FSTL4: variants seen among roughly 807,000 people sequenced by gnomAD.
The protein encoded by FSTL4 is follistatin-related protein 4.
Under a neutral mutation model 78.2 loss-of-function variants are expected in FSTL4, and 28 were observed. The ratio of observed to expected loss-of-function variants is 0.36; its 90% CI spans 0.27 to 0.49. The LOEUF (loss-of-function observed/expected upper bound fraction) is 0.49, where lower values mean the gene tolerates loss of function less well. FSTL4 is among the 20% of genes least tolerant of loss of function. FSTL4 has a pLI of 0.98. For synonymous variants in FSTL4, 422 were observed against 440.5 expected, an observed-to-expected ratio of 0.96 and a Z score of 0.53; for missense variants, 922 against 1,084.9, an observed-to-expected ratio of 0.85 and a Z score of 2.11.
intron 3 of FSTL4, among the ~76,000 whole-genome samples, chr5:133,552,305 GTCATATTTATTCTACAGAAC>G (rs1274005373): frequency 6.6e-6 from 1 of 152,156 alleles, no homozygotes; most frequent in African/African-American, 2.4e-5. Flanking sequence ...TTTCTACTTG[GTCATATTTATTCTACAGAAC>G]TGTATCTAAC....
intron 3 of FSTL4, among the ~76,000 whole-genome samples, chr5:133,561,090 A>AAATAATAATAATAATAATAAT (rs369652665): frequency 7.6e-6 from 1 of 131,242 alleles, no homozygotes; most frequent in Admixed American, 7.8e-5. Flanking sequence ...CTCGGACTCA[A>AAATAATAATAATAATAATAAT]AATAATAATA....
At chr5:133,353,801 T>C (rs1181432167) in intron 4 of FSTL4, among the ~76,000 whole-genome samples, 1 of 152,208 alleles carries the variant, frequency 6.6e-6, no homozygotes, top group Non-Finnish European at 1.5e-5. Flanking sequence ...GGGGCTTTGT[T>C]CACCACGGGC....
At chr5:133,379,835 G>C (rs1755522924) in intron 4 of FSTL4, among the ~76,000 whole-genome samples, 1 of 152,134 alleles carries the variant, frequency 6.6e-6, no homozygotes. Context: ...TCAGCATTTT[G>C]GGAGGCTGAG....
intron 3 of FSTL4, among the ~76,000 whole-genome samples, chr5:133,496,953 C>G (rs904558768): frequency 3.3e-5 from 5 of 152,270 alleles, no homozygotes; most frequent in Admixed American, 2.0e-4. Context: ...TTAGCCAGCC[C>G]TACCCCAATC....
chr5:133,662,365 G>T, the FSTL4 span, among the ~76,000 whole-genome samples: 1 of 152,112 alleles, frequency 6.6e-6, no homozygotes, highest in African/African-American at 2.4e-5. Context: ...AATTACAGTG[G>T]ATATTTTCAC....
At chr5:133,473,115 C>T (rs1410385554) in intron 3 of FSTL4, among the ~76,000 whole-genome samples, 1 of 152,164 alleles carries the variant, frequency 6.6e-6, no homozygotes, top group African/African-American at 2.4e-5. Context: ...CCAGTAGGGG[C>T]AGCTGTTGAT....
chr5:133,628,686 T>G, the FSTL4 span, among the ~76,000 whole-genome samples: 2 of 151,790 alleles, frequency 1.3e-5, no homozygotes, highest in Non-Finnish European at 2.9e-5. Flanking sequence ...TTGAAAGGAT[T>G]AGCTAAATAG....
the FSTL4 span, among the ~76,000 whole-genome samples, chr5:133,676,264 T>C: frequency 6.6e-6 from 1 of 152,238 alleles, no homozygotes; most frequent in African/African-American, 2.4e-5. Flanking sequence ...GGTCTACACA[T>C]TTCTTCTATC....
chr5:133,679,725 A>T, the FSTL4 span, among the ~76,000 whole-genome samples: 5 of 152,068 alleles, frequency 3.3e-5, no homozygotes, highest in Admixed American at 2.0e-4. Flanking sequence ...AGCATGTGGG[A>T]GCTTCCCTTC....
rs775502186 is a variant in FSTL4, at chr5:133,217,347, G to A, written c.1490C>T (p.Ala497Val). The A allele has an allele frequency of 6.2e-7, 1 of 1,614,070 alleles. No homozygotes were observed. The highest frequency in any genetic ancestry group is 2.2e-5 in the East Asian group (1 of 44,876). Reference protein sequence around the residue: ...EEICPQREKNATQPCQWVSAV... With the variant: ...EEICPQREKNVTQPCQWVSAV... ...AGATACCCACTGGCAGGGCTGGGTT[G>A]CATTTTTTTCTCTTTGAGGACAGAT... is the stretch of plus-strand genomic sequence containing the variant. The change falls in exon 13 of 16, where the codon GCA becomes GTA. Residue 497 changes from alanine (A) to valine (V), a missense_variant. By Grantham distance (64) the Ala-to-Val change is moderately conservative. Coordinates refer to ENST00000265342, the MANE Select transcript of FSTL4 (RefSeq NM_015082.2).
chr5:133,453,991 T>G (rs1224944948), intron 3 of FSTL4, among the ~76,000 whole-genome samples: 1 of 152,188 alleles, frequency 6.6e-6, no homozygotes, highest in Non-Finnish European at 1.5e-5. Flanking sequence ...GCAATATAAA[T>G]ATCACATTTC....
chr5:133,659,524 G>C, the FSTL4 span, among the ~76,000 whole-genome samples: 8 of 151,536 alleles, frequency 5.3e-5, no homozygotes, highest in African/African-American at 1.9e-4. Flanking sequence ...AATTCACTTA[G>C]AGAGTCATTA....
At position 133,541,952 on chromosome 5, in the gene FSTL4, T is replaced by A. The variant is rs1050979504; in HGVS notation, c.160+25234A>T. Among the ~76,000 whole-genome samples the A allele has an allele frequency of 1.2e-4, 9 of 72,774 alleles. No individual in the cohort carries two copies. In the South Asian group the frequency reaches 1.7e-3, roughly 13 times the overall value. 47.7% of individuals were successfully genotyped at this position (72,774 alleles called of 152,430 possible). A position where few individuals can be genotyped will look rare whatever the true frequency, so the allele number is the denominator to read the frequency against. ...GACACACACACACACACACACACAC[T>A]CTTAACTTTAAGCAATACTTAACTG... On this transcript the variant is annotated intron_variant, in intron 3 of 15. Transcript: ENST00000265342.
chr5:133,736,123 G>A, the FSTL4 span, among the ~76,000 whole-genome samples: 1 of 152,196 alleles, frequency 6.6e-6, no homozygotes, highest in Non-Finnish European at 1.5e-5. Flanking sequence ...AGACCATGCC[G>A]AGGAGGCTTC....
chr5:133,727,821 C>T, the FSTL4 span, among the ~76,000 whole-genome samples: 1 of 152,174 alleles, frequency 6.6e-6, no homozygotes, highest in African/African-American at 2.4e-5. Flanking sequence ...AGCCTGGGAA[C>T]AGGAAAGGAT....
At chr5:133,680,189 T>G in the FSTL4 span, among the ~76,000 whole-genome samples, 1 of 152,212 alleles carries the variant, frequency 6.6e-6, no homozygotes. Context: ...CACTCATTAA[T>G]TCATACTTTC....
chr5:133,429,596 G>A (rs1756894370), intron 3 of FSTL4, among the ~76,000 whole-genome samples: 1 of 149,792 alleles, frequency 6.7e-6, no homozygotes, highest in Non-Finnish European at 1.5e-5. Context: ...CTCAAAAGTA[G>A]GCCTGTCCTC....
rs944166634 is a variant in FSTL4, at chr5:133,455,598, G to A, written c.161-54612C>T. On this transcript the variant is annotated intron_variant, in intron 3 of 15. Coordinates refer to ENST00000265342, the MANE Select transcript of FSTL4 (RefSeq NM_015082.2). ...ACTTAGCCAGCTGAAGCTGACAAGA[G>A]AGGGTCTTTGAAAGAGGCCTGCAAA... Among the ~76,000 whole-genome samples, 51 of 152,362 alleles carry A rather than the reference G, an allele frequency of 3.3e-4. 1 individual carries two copies. Among genetic ancestry groups the A allele is most frequent in the Middle Eastern group, 3.4e-3 (1 of 294 alleles).
intron 1 of FSTL4, among the ~76,000 whole-genome samples, chr5:133,610,924 A>C (rs2112986958): frequency 6.6e-6 from 1 of 151,498 alleles, no homozygotes; most frequent in South Asian, 2.1e-4. Flanking sequence ...TTACTTCACC[A>C]CCTATTGAAA....
Sources: gnomAD v4.1 joint callset for allele counts (sites outside exome capture counted in the v4.1 genomes callset) on GRCh38, gnomAD v4.1.1 for gene constraint, MANE v1.5 for transcripts, NCBI Gene and HGNC (gene_info 2026-07-23, HGNC 2026-07-21) for gene names.